The following PPP3CA variants were observed in gnomAD, a reference collection of about 807,000 sequenced individuals.
The protein encoded by PPP3CA is CAM-PRP catalytic subunit.
In PPP3CA, 14 loss-of-function variants were observed where a neutral mutation model predicts 66.5. The observed-to-expected ratio is 0.21, with a 90% CI of 0.14 to 0.33. The LOEUF (loss-of-function observed/expected upper bound fraction) is 0.33, where lower values mean the gene tolerates loss of function less well. Ranked by LOEUF, PPP3CA falls within the 10% of genes least tolerant of loss-of-function variation. The probability of loss-of-function intolerance (pLI) is 1.00; values close to 1 mark genes in which losing one functional copy is unlikely to be tolerated. For synonymous variants in PPP3CA, 232 were observed against 226.2 expected, an observed-to-expected ratio of 1.03 and a Z score of -0.23; for missense variants, 317 against 639.5, an observed-to-expected ratio of 0.50 and a Z score of 5.44.
At chr4:101,183,242 G>A (rs912535867) in intron 2 of PPP3CA, among the ~76,000 whole-genome samples, 21 of 152,224 alleles carry the variant, frequency 1.4e-4, no homozygotes, top group Middle Eastern at 3.4e-3. Context: ...CTGTCCCATG[G>A]TTAGAATGGC....
chr4:101,226,627 C>T (rs1725790881), intron 1 of PPP3CA, among the ~76,000 whole-genome samples: 2 of 151,690 alleles, frequency 1.3e-5, no homozygotes, highest in South Asian at 4.1e-4. Flanking sequence ...TGTATTCATA[C>T]TATGGCTACT....
intron 2 of PPP3CA, among the ~76,000 whole-genome samples, chr4:101,140,245 T>C (rs1722761080): frequency 6.6e-6 from 1 of 152,248 alleles, no homozygotes; most frequent in Non-Finnish European, 1.5e-5. Flanking sequence ...CCTATATTTC[T>C]CTTTGCAATT....
chr4:101,051,863 CA>C (rs1361034518), intron 10 of PPP3CA, among the ~76,000 whole-genome samples: 2 of 152,032 alleles, frequency 1.3e-5, no homozygotes, highest in African/African-American at 4.8e-5. Flanking sequence ...TCATTTCTTT[CA>C]AAAGCTGTAT....
Position 101,080,634 on chromosome 4 carries a change from G to T in PPP3CA, c.861-8C>A. The T allele has an allele frequency of 6.9e-7, 1 of 1,445,394 alleles. No homozygotes were observed. 89.5% of individuals were successfully genotyped at this position (1,445,394 alleles called of 1,614,324 possible). On this transcript the variant is annotated splice_polypyrimidine_tract_variant and splice_region_variant and intron_variant, in intron 7 of 13. Coordinates refer to ENST00000394854, the MANE Select transcript of PPP3CA (RefSeq NM_000944.5). ...TTCCTGTACATGCGGTACCTAAAAA[G>T]AACAAATACAGTCAAAACAAAGCTT...
chr4:101,183,636 AG>A (rs1348648685), intron 2 of PPP3CA, among the ~76,000 whole-genome samples: 1 of 152,170 alleles, frequency 6.6e-6, no homozygotes, highest in Non-Finnish European at 1.5e-5. Context: ...AATATATGAA[AG>A]CAATTTTAGA....
At chr4:101,251,400 T>C (rs1726673057) in intron 1 of PPP3CA, among the ~76,000 whole-genome samples, 1 of 150,504 alleles carries the variant, frequency 6.6e-6, no homozygotes, top group Non-Finnish European at 1.5e-5. Context: ...TTTTCTACTA[T>C]GTGAAAATAT....
chr4:101,149,277 TTCACATGCTTTA>T (rs1353474832), intron 2 of PPP3CA, among the ~76,000 whole-genome samples: 1 of 152,190 alleles, frequency 6.6e-6, no homozygotes, highest in African/African-American at 2.4e-5. Context: ...TGGCTTTGCC[TTCACATGCTTTA>T]TCACATAATT....
intron 10 of PPP3CA, among the ~76,000 whole-genome samples, chr4:101,043,340 CT>C (rs1201887470): frequency 1.3e-5 from 2 of 152,014 alleles, no homozygotes; most frequent in African/African-American, 4.8e-5. Context: ...TAAAGCTGTG[CT>C]TCTTAGCTTG....
intron 1 of PPP3CA, among the ~76,000 whole-genome samples, chr4:101,210,674 T>C (rs1725273208): frequency 6.6e-6 from 1 of 152,162 alleles, no homozygotes; most frequent in South Asian, 2.1e-4. Context: ...ACCACAACCT[T>C]GGTACTAAAT....
At chr4:101,029,834 G>T (rs1209923244) in intron 12 of PPP3CA, among the ~76,000 whole-genome samples, 1 of 149,884 alleles carries the variant, frequency 6.7e-6, no homozygotes, top group East Asian at 1.9e-4. Flanking sequence ...TAGGAAGAGG[G>T]TGAAGGAAAA....
chr4:101,111,240 G>A (rs988879580), intron 2 of PPP3CA, among the ~76,000 whole-genome samples: 6 of 152,060 alleles, frequency 3.9e-5, no homozygotes, highest in Admixed American at 6.6e-5. Flanking sequence ...ATGCCTTCAC[G>A]TGCCCTCCAT....
intron 1 of PPP3CA, among the ~76,000 whole-genome samples, chr4:101,331,621 T>C (rs1293399677): frequency 1.3e-5 from 2 of 152,154 alleles, no homozygotes; most frequent in Non-Finnish European, 2.9e-5. Flanking sequence ...AGATTAAAAG[T>C]GTTCCATGCA....
At chr4:101,269,309 T>TCTTCATTAG (rs1272706413) in intron 1 of PPP3CA, among the ~76,000 whole-genome samples, 2 of 152,076 alleles carry the variant, frequency 1.3e-5, no homozygotes, top group African/African-American at 4.8e-5. Context: ...ATTCACTAAA[T>TCTTCATTAG]CTTCATTAGC....
At chr4:101,311,210 T>TA (rs1366788533) in intron 1 of PPP3CA, among the ~76,000 whole-genome samples, 1 of 152,234 alleles carries the variant, frequency 6.6e-6, no homozygotes, top group Non-Finnish European at 1.5e-5. Context: ...CTTACACTCC[T>TA]ATCATTTTTC....
intron 1 of PPP3CA, among the ~76,000 whole-genome samples, chr4:101,326,653 C>T (rs925149934): frequency 1.3e-5 from 2 of 152,168 alleles, no homozygotes; most frequent in African/African-American, 2.4e-5. Context: ...CTCCAAAATG[C>T]CGTGTCCTGA....
chr4:101,036,513 G>A (rs1320763369), intron 11 of PPP3CA, among the ~76,000 whole-genome samples: 4 of 152,020 alleles, frequency 2.6e-5, no homozygotes, highest in Non-Finnish European at 4.4e-5. Context: ...CGGGGTTTAT[G>A]GCAGTCTCCT....
chr4:101,276,987 GATATTTTCAAAATATTA>G (rs1560693894), intron 1 of PPP3CA, among the ~76,000 whole-genome samples: 2 of 20,898 alleles, frequency 9.6e-5, no homozygotes, highest in African/African-American at 1.2e-4. Context: ...GCTAGGACCT[GATATTTTCAAAATATTA>G]GGACCTGATA....
At chr4:101,287,763 T>G (rs1299818227) in intron 1 of PPP3CA, among the ~76,000 whole-genome samples, 4 of 124,358 alleles carry the variant, frequency 3.2e-5, no homozygotes, top group Non-Finnish European at 7.8e-5. Flanking sequence ...TCTATTAACC[T>G]CTCTTTTTTT....
chr4:101,098,294 C>A, intron 5 of PPP3CA, 73 bp downstream of exon 5: 2 of 1,406,708 alleles, frequency 1.4e-6, no homozygotes, highest in Non-Finnish European at 1.9e-6. Context: ...GTGATAAAGG[C>A]AGGGTAATTA....
Sources: allele counts gnomAD v4.1 joint callset (sites outside exome capture counted in the v4.1 genomes callset), GRCh38; gene constraint gnomAD v4.1.1; transcripts MANE v1.5; gene names NCBI Gene and HGNC (gene_info 2026-07-23, HGNC 2026-07-21).